TMEM181: variants seen among roughly 807,000 people sequenced by gnomAD.
The protein encoded by TMEM181 is G protein-coupled receptor 178.
In TMEM181, 39 loss-of-function variants were observed where a neutral mutation model predicts 71.9. The ratio of observed to expected loss-of-function variants is 0.54; its 90% CI spans 0.42 to 0.71. TMEM181 has a LOEUF of 0.71. Ranked by LOEUF, TMEM181 falls within the 30% of genes least tolerant of loss-of-function variation. The pLI, the probability that TMEM181 is intolerant of heterozygous loss-of-function variation, is 0.00. For missense variants in TMEM181, 595 were observed against 583.0 expected (o/e 1.02, Z -0.21); for synonymous variants, 245 against 228.8 (o/e 1.07, Z -0.64).
chr6:158,536,963 G>A lies in TMEM181; in HGVS notation c.131+98G>A, dbSNP rs1201464289. The A allele has an allele frequency of 6.3e-6, 6 of 947,396 alleles. No homozygotes were observed. In the African/African-American group the frequency reaches 1.1e-4, roughly 17 times the overall value. The allele number at this position is 947,396 out of a possible 1,614,324, so 58.7% of individuals were successfully genotyped here. On this transcript the variant is annotated intron_variant, in intron 1 of 16. Transcript: ENST00000367090. ...GCCCCGGCCTTGGCCTGGTCCCGCC[G>A]ACGGCCGCCTCCGCCGGCCGGGCGC... is the stretch of plus-strand genomic sequence containing the variant.
intron 1 of TMEM181, among the ~76,000 whole-genome samples, chr6:158,564,738 C>G (rs1782389518): frequency 6.6e-6 from 1 of 152,198 alleles, no homozygotes; most frequent in South Asian, 2.1e-4. Flanking sequence ...GAACTGTTTA[C>G]TTGCCTGCTG....
At chr6:158,602,167 T>A (rs1420970066) in intron 6 of TMEM181, among the ~76,000 whole-genome samples, 4 of 152,238 alleles carry the variant, frequency 2.6e-5, no homozygotes, top group Admixed American at 2.0e-4. Context: ...AATTATACAA[T>A]ATGTACTTCT....
chr6:158,608,744 G>A lies in TMEM181; in HGVS notation c.890G>A (p.Trp297Ter). The A allele has an allele frequency of 6.2e-7, 1 of 1,610,690 alleles. No individual in the cohort carries two copies. Residue 297 changes from tryptophan to a stop codon, truncating the protein, a stop_gained, in exon 10 of 17, where the codon TGG (tryptophan) becomes TAG (stop). Coordinates refer to ENST00000684151, the MANE Select transcript of TMEM181 (RefSeq NM_001376852.1). LOFTEE classifies it high-confidence loss of function. The stretch of plus-strand genomic sequence containing the variant: ...TTGGCTTCTGTTACGCTAGGAATAT[G>A]GCAAACGTGAGTAATTCTATTATGT... ...LWLASVTLGIWQTVNELHDPM... is the reference protein window; with the variant it reads ...LWLASVTLGI
intron 2 of TMEM181, among the ~76,000 whole-genome samples, chr6:158,574,215 G>A (rs1009134781): frequency 6.6e-6 from 1 of 152,170 alleles, no homozygotes; most frequent in Non-Finnish European, 1.5e-5. Flanking sequence ...ACTAAAGTGT[G>A]AATGGCAGTT....
At chr6:158,628,790 C>T (rs144163810) in intron 14 of TMEM181, among the ~76,000 whole-genome samples, 2 of 152,352 alleles carry the variant, frequency 1.3e-5, no homozygotes, top group Non-Finnish European at 1.5e-5. Context: ...GCCCACGCCA[C>T]GCTGCTTTCC....
intron 3 of TMEM181, 53 bp downstream of exon 3, chr6:158,581,048 G>A: frequency 6.5e-7 from 1 of 1,533,290 alleles, no homozygotes; most frequent in Non-Finnish European, 9.0e-7. Context: ...ATAAACCTCA[G>A]GTCACTGAGA....
intron 1 of TMEM181, among the ~76,000 whole-genome samples, chr6:158,545,890 CTG>C (rs1781512384): frequency 6.6e-6 from 1 of 152,152 alleles, no homozygotes; most frequent in African/African-American, 2.4e-5. Flanking sequence ...GCCCTCTGCG[CTG>C]TGTTTGTTCA....
At chr6:158,601,963 T>C (rs576155986) in intron 6 of TMEM181, among the ~76,000 whole-genome samples, 6 of 152,220 alleles carry the variant, frequency 3.9e-5, no homozygotes, top group African/African-American at 1.4e-4. Flanking sequence ...TTGGTTTTTG[T>C]TTGGCAGCTT....
At chr6:158,540,655 C>T (rs1488003015) in intron 1 of TMEM181, among the ~76,000 whole-genome samples, 3 of 151,384 alleles carry the variant, frequency 2.0e-5, no homozygotes, top group Non-Finnish European at 4.4e-5. Flanking sequence ...GTGGTGCATG[C>T]CTGTGATCCC....
chr6:158,629,701 T>A (rs912814125), intron 14 of TMEM181, 29 bp from the exon 15 acceptor site: 2 of 1,565,886 alleles, frequency 1.3e-6, no homozygotes, highest in Admixed American at 1.8e-5. Context: ...TGTGTCCAGA[T>A]GCCGCGTTCC....
chr6:158,594,779 C>G lies in TMEM181; in HGVS notation c.492+4997C>G, dbSNP rs185898669. On this transcript the variant is annotated intron_variant, in intron 6 of 16. Coordinates refer to ENST00000684151, the MANE Select transcript of TMEM181 (RefSeq NM_001376852.1). ...CTCAGCTCACTGCAACCTCTGCCTC[C>G]TGGGTTCAAGCGATTCTCCTGCCTC... 1.5e-4 allele frequency among the ~76,000 whole-genome samples: 23 copies of G among 152,310 alleles called. No homozygotes were observed. The South Asian group carries it at 1.7e-3, about 11-fold the overall frequency.
At chr6:158,598,147 C>T (rs546924577) in intron 6 of TMEM181, among the ~76,000 whole-genome samples, 1 of 152,318 alleles carries the variant, frequency 6.6e-6, no homozygotes, top group African/African-American at 2.4e-5. Flanking sequence ...ATGCAGTGAC[C>T]TTTGACACTA....
exon 1 of TMEM181, chr6:158,536,780 C>T (rs1781122283): frequency 1.3e-6 from 2 of 1,572,286 alleles, no homozygotes; most frequent in South Asian, 1.1e-5. Flanking sequence ...CTGCAGCGAG[C>T]TCAAGCACCT....
intron 1 of TMEM181, among the ~76,000 whole-genome samples, chr6:158,553,454 A>C (rs1053334002): frequency 2.0e-5 from 3 of 152,208 alleles, no homozygotes; most frequent in Admixed American, 6.5e-5. Context: ...TCACCTAAGA[A>C]CCTTAAATAT....
intron 10 of TMEM181, among the ~76,000 whole-genome samples, chr6:158,616,284 T>C (rs1175520899): frequency 6.6e-6 from 1 of 151,780 alleles, no homozygotes; most frequent in South Asian, 2.1e-4. Flanking sequence ...GGCTCTTTGT[T>C]TGTCTGTTAT....
intron 5 of TMEM181, among the ~76,000 whole-genome samples, chr6:158,586,023 G>T (rs973841794): frequency 6.6e-6 from 1 of 152,136 alleles, no homozygotes; most frequent in Non-Finnish European, 1.5e-5. Flanking sequence ...TGAGGCTTTG[G>T]GTTGTTCCCA....
chr6:158,601,239 C>T (rs560070322), intron 6 of TMEM181, among the ~76,000 whole-genome samples: 2 of 152,128 alleles, frequency 1.3e-5, no homozygotes, highest in Non-Finnish European at 2.9e-5. Flanking sequence ...GTTTTTAATA[C>T]GCATCATCTC....
At chr6:158,631,439 G>C (rs9457420) in intron 16 of TMEM181, 50 bp downstream of exon 16, 3 of 1,577,188 alleles carry the variant, frequency 1.9e-6, no homozygotes, top group Non-Finnish European at 2.6e-6. Flanking sequence ...ATCCCGGCAC[G>C]GCCTTGCATG....
intron 5 of TMEM181, 115 bp from the exon 6 acceptor site, chr6:158,589,557 C>T (rs1783982626): frequency 4.0e-6 from 3 of 747,762 alleles, no homozygotes; most frequent in Non-Finnish European, 6.9e-6. Context: ...TTGGCGAGTT[C>T]CCTGGAGACA....
Sources: gnomAD v4.1 joint callset for allele counts (sites outside exome capture counted in the v4.1 genomes callset) on GRCh38, gnomAD v4.1.1 for gene constraint, MANE v1.5 for transcripts, NCBI Gene and HGNC (gene_info 2026-07-23, HGNC 2026-07-21) for gene names.